The following MED13L variants were observed in gnomAD, a reference collection of about 807,000 sequenced individuals.
MED13L encodes mediator of RNA polymerase II transcription subunit 13-like.
MED13L carries 7 observed loss-of-function variants against 220.9 expected under a neutral mutation model. The ratio of observed to expected loss-of-function variants is 0.03; its 90% CI spans 0.02 to 0.06. MED13L has a LOEUF of 0.06. MED13L is among the 10% of genes least tolerant of loss of function. The pLI, the probability that MED13L is intolerant of heterozygous loss-of-function variation, is 1.00. For missense variants in MED13L, 1,965 were observed against 2,760.5 expected (o/e 0.71, Z 6.46); for synonymous variants, 1,011 against 1,015.2 (o/e 1.00, Z 0.08).
intron 3 of MED13L, among the ~76,000 whole-genome samples, chr12:116,104,945 G>A (rs919805772): frequency 1.3e-5 from 2 of 152,114 alleles, no homozygotes; most frequent in African/African-American, 2.4e-5. Context: ...ACTCTTTTAA[G>A]TTTTTGAACT....
chr12:116,009,377 A>G (rs1010765122), intron 9 of MED13L, among the ~76,000 whole-genome samples: 5 of 152,176 alleles, frequency 3.3e-5, no homozygotes, highest in Admixed American at 6.5e-5. Context: ...GCTAATCCCT[A>G]CAAATCACTG....
chr12:116,018,573 C>G (rs900403423), intron 7 of MED13L, among the ~76,000 whole-genome samples: 2 of 151,980 alleles, frequency 1.3e-5, no homozygotes, highest in African/African-American at 4.8e-5. Flanking sequence ...AAAGTGAGGT[C>G]AACTACAACA....
rs1439159819 is a variant in MED13L, at chr12:116,029,257, AG to A, written c.480-6657del. Among the ~76,000 whole-genome samples, 6 of 105,880 alleles carry A rather than the reference AG, an allele frequency of 5.7e-5. 1 individual carries two copies. Among genetic ancestry groups the A allele is most frequent in the African/African-American group, 1.8e-4 (5 of 27,974 alleles). 69.5% of individuals were successfully genotyped at this position (105,880 alleles called of 152,430 possible). A position where few individuals can be genotyped will look rare whatever the true frequency, so the allele number is the denominator to read the frequency against. ...GAAAAGCTTCTCTGAAAAAAAAAAA[AG>A]GGGGGGGAGGGAAGCATTTAAACTG... On this transcript the variant is annotated intron_variant, in intron 4 of 30. Transcript: ENST00000281928.
At chr12:116,004,145 G>T (rs1176773546) in intron 13 of MED13L, among the ~76,000 whole-genome samples, 4 of 152,070 alleles carry the variant, frequency 2.6e-5, no homozygotes, top group African/African-American at 9.7e-5. Context: ...GATCAGGCAG[G>T]CCACTCCAAA....
rs757644212 is a variant in MED13L, at chr12:116,111,530, A to G, written c.311-18T>C. ...TTCCACAACTGAAAAAAAAAAGAAA[A>G]AAGAAAAAAAAAGAACCAGTAAAAA... On this transcript the variant is annotated intron_variant, in intron 2 of 30. Coordinates refer to ENST00000281928, the MANE Select transcript of MED13L (RefSeq NM_015335.5). The G allele has an allele frequency of 4.5e-6, 7 of 1,571,474 alleles. No homozygotes were observed. In the African/African-American group the frequency reaches 6.8e-5, roughly 15 times the overall value.
At chr12:116,206,552 G>A (rs1159147170) in intron 2 of MED13L, among the ~76,000 whole-genome samples, 9 of 151,940 alleles carry the variant, frequency 5.9e-5, no homozygotes, top group Middle Eastern at 3.4e-3. Flanking sequence ...AGTTATAGAC[G>A]GGGAAAAAAA....
rs1877472355 is a variant in MED13L, at chr12:115,983,407, A to G, written c.4665T>C (p.Ala1555=). ...GATTAAATGCACTGCCAGCTGGGGG[A>G]GCTGCTGATCCATTTGGAGCTAAGG... The part of the protein sequence containing the change: ...AGPLAPNGSA[A]PPAGSAFNPT... Residue 1555 remains alanine (A), a synonymous_variant, in exon 21 of 31, where the codon GCT becomes GCC. Transcript: ENST00000281928. 1 of 1,614,024 alleles carries G rather than the reference A, an allele frequency of 6.2e-7. No homozygotes were observed. The highest frequency in any genetic ancestry group is 8.5e-7 in the Non-Finnish European group (1 of 1,180,014).
intron 1 of MED13L, among the ~76,000 whole-genome samples, chr12:116,275,725 C>A (rs1873763379): frequency 6.6e-6 from 1 of 152,042 alleles, no homozygotes; most frequent in Admixed American, 6.6e-5. Flanking sequence ...GCATGCTCTC[C>A]AAAAGGGACT....
At chr12:116,163,387 CAG>C (rs1393792052) in intron 2 of MED13L, among the ~76,000 whole-genome samples, 3 of 132,908 alleles carry the variant, frequency 2.3e-5, no homozygotes, top group Non-Finnish European at 3.1e-5. Flanking sequence ...TTTTTTAAGA[CAG>C]AGTCTTGCTC....
chr12:116,086,635 C>T (rs1160154965), intron 4 of MED13L, among the ~76,000 whole-genome samples: 2 of 152,240 alleles, frequency 1.3e-5, no homozygotes, highest in African/African-American at 2.4e-5. Context: ...TCTTATACAA[C>T]TGTTAATAAA....
At chr12:116,091,058 T>C (rs755655051) in intron 4 of MED13L, among the ~76,000 whole-genome samples, 9 of 146,156 alleles carry the variant, frequency 6.2e-5, no homozygotes, top group Middle Eastern at 3.6e-3. Context: ...CTGGAGGACA[T>C]TGCAGTGAGC....
At chr12:116,225,899 A>G (rs1433106826) in intron 2 of MED13L, among the ~76,000 whole-genome samples, 1 of 152,184 alleles carries the variant, frequency 6.6e-6, no homozygotes, top group Non-Finnish European at 1.5e-5. Context: ...AGTCAAAAAT[A>G]AAAGTAATTT....
At chr12:116,031,897 T>A (rs1267045444) in intron 4 of MED13L, among the ~76,000 whole-genome samples, 1 of 151,920 alleles carries the variant, frequency 6.6e-6, no homozygotes, top group African/African-American at 2.4e-5. Flanking sequence ...AGACAATACA[T>A]AGACTAAGAG....
At chr12:115,984,126 G>C in intron 20 of MED13L, 54 bp downstream of exon 20, 1 of 1,549,704 alleles carries the variant, frequency 6.5e-7, no homozygotes, top group Admixed American at 1.7e-5. Flanking sequence ...GGGATGGGAC[G>C]GATTTGCTAT....
chr12:116,030,223 T>A (rs1880654778), intron 4 of MED13L, among the ~76,000 whole-genome samples: 1 of 152,148 alleles, frequency 6.6e-6, no homozygotes, highest in South Asian at 2.1e-4. Flanking sequence ...CACCTTTGCC[T>A]CCCAAAGTCA....
intron 2 of MED13L, among the ~76,000 whole-genome samples, chr12:116,214,261 T>C (rs1367311975): frequency 2.6e-5 from 4 of 152,184 alleles, no homozygotes; most frequent in African/African-American, 7.2e-5. Context: ...CTATAAAATA[T>C]AATATTCTTC....
chr12:115,971,339 T>C lies in MED13L; in HGVS notation c.5891-569A>G, dbSNP rs115527000. Among the ~76,000 whole-genome samples the C allele has an allele frequency of 6.2e-3, 951 of 152,234 alleles. 9 individuals are homozygous for C. The highest frequency in any genetic ancestry group is 0.014 in the Middle Eastern group (4 of 294). ...TAGCGGCAACAGAGGTAACCTATAG[T>C]CTAATGAGGACATCTGTCTCTCACT... On this transcript the variant is annotated intron_variant, in intron 26 of 30. Coordinates refer to ENST00000281928, the MANE Select transcript of MED13L (RefSeq NM_015335.5).
At chr12:115,981,939 G>T (rs1276041681) in intron 22 of MED13L, 1 of 196,238 alleles carries the variant, frequency 5.1e-6, no homozygotes, top group African/African-American at 2.4e-5. Flanking sequence ...TCATGTACAG[G>T]TTGAATATCC....
intron 2 of MED13L, among the ~76,000 whole-genome samples, chr12:116,170,934 G>A (rs958749172): frequency 6.6e-6 from 1 of 152,124 alleles, no homozygotes; most frequent in African/African-American, 2.4e-5. Flanking sequence ...ACATTCTTAA[G>A]GAAAATCTAA....
Sources: allele counts gnomAD v4.1 joint callset (sites outside exome capture counted in the v4.1 genomes callset), GRCh38; gene constraint gnomAD v4.1.1; transcripts MANE v1.5; gene names NCBI Gene and HGNC (gene_info 2026-07-23, HGNC 2026-07-21).